Variants in SPATS2 observed in about 807,000 individuals in gnomAD.
The protein encoded by SPATS2 is spermatogenesis-associated serine-rich protein 2.
Under a neutral mutation model 63.7 loss-of-function variants are expected in SPATS2, and 38 were observed. The ratio of observed to expected loss-of-function variants is 0.60; its 90% confidence interval spans 0.46 to 0.78. SPATS2 has a LOEUF of 0.78. Among genes scored for constraint, SPATS2 ranks in the 30% least tolerant of loss-of-function variants. The pLI, the probability that SPATS2 is intolerant of heterozygous loss-of-function variation, is 0.00. For synonymous variants in SPATS2, 207 were observed against 232.9 expected (o/e 0.89, Z 1.01); for missense variants, 588 against 666.2 (o/e 0.88, Z 1.29).
At chr12:49,459,895 G>C (rs1945790718) in intron 2 of SPATS2, among the ~76,000 whole-genome samples, 1 of 144,954 alleles carries the variant, frequency 6.9e-6, no homozygotes, top group South Asian at 2.3e-4. Flanking sequence ...GACCAGCCTG[G>C]TCAAGAGACT....
At chr12:49,371,689 C>T (rs764175648) in intron 2 of SPATS2, among the ~76,000 whole-genome samples, 4 of 152,038 alleles carry the variant, frequency 2.6e-5, no homozygotes, top group Non-Finnish European at 4.4e-5. Flanking sequence ...AGCTTATGAT[C>T]ATGGCAGGAG....
intron 2 of SPATS2, among the ~76,000 whole-genome samples, chr12:49,417,210 A>G (rs899151843): frequency 3.3e-5 from 5 of 152,242 alleles, no homozygotes; most frequent in African/African-American, 1.2e-4. Context: ...GGAAACAAAA[A>G]GAAATTAAAA....
chr12:49,422,540 G>T (rs540249266), intron 2 of SPATS2, among the ~76,000 whole-genome samples: 1 of 152,008 alleles, frequency 6.6e-6, no homozygotes, highest in Non-Finnish European at 1.5e-5. Context: ...CAGAGTTTTT[G>T]TGAAGATTTT....
intron 2 of SPATS2, among the ~76,000 whole-genome samples, chr12:49,376,701 T>C (rs1014014816): frequency 2.1e-5 from 3 of 145,638 alleles, no homozygotes; most frequent in Non-Finnish European, 4.5e-5. Flanking sequence ...CTGGCCGGTG[T>C]TTTGTTGATT....
At chr12:49,394,198 C>T (rs1944467595) in intron 2 of SPATS2, among the ~76,000 whole-genome samples, 2 of 151,962 alleles carry the variant, frequency 1.3e-5, no homozygotes, top group South Asian at 4.2e-4. Context: ...ATTAGCCGGG[C>T]TTCATGGTGC....
chr12:49,395,722 G>T (rs982053946), intron 2 of SPATS2, among the ~76,000 whole-genome samples: 1 of 152,144 alleles, frequency 6.6e-6, no homozygotes, highest in Non-Finnish European at 1.5e-5. Context: ...CACTGTGCCC[G>T]ACCCAGATTG....
intron 2 of SPATS2, among the ~76,000 whole-genome samples, chr12:49,384,097 A>G (rs1015484308): frequency 6.6e-6 from 1 of 152,194 alleles, no homozygotes; most frequent in African/African-American, 2.4e-5. Flanking sequence ...ACACTATTAT[A>G]GACTTGATTT....
rs936123574 is a variant in SPATS2, at chr12:49,486,426, A to G, written c.105+1757A>G. On this transcript the variant is annotated intron_variant, in intron 4 of 13. Transcript: ENST00000552918. ...CACCATGTTAGCCAGGATGGTCTCAATCTCCTGCGTGATCCACCCACCTCG... is the reference window on the plus strand; with the variant it reads ...CACCATGTTAGCCAGGATGGTCTCAGTCTCCTGCGTGATCCACCCACCTCG... The G allele has an allele frequency of 2.0e-4, 57 of 283,872 alleles. 1 individual carries two copies. The highest frequency in any genetic ancestry group is 1.9e-3 in the Admixed American group (39 of 20,678). The allele number at this position is 283,872 out of a possible 1,614,324, so 17.6% of individuals were successfully genotyped here.
chr12:49,475,428 T>C (rs926739636), intron 3 of SPATS2, among the ~76,000 whole-genome samples: 1 of 122,234 alleles, frequency 8.2e-6, no homozygotes, highest in African/African-American at 3.4e-5. Context: ...GGTAGAATTC[T>C]TGTTGTTGTT....
chr12:49,389,378 G>T (rs1372292630), intron 2 of SPATS2: 3 of 541,962 alleles, frequency 5.5e-6, no homozygotes, highest in Non-Finnish European at 1.0e-5. Context: ...CTGGTTCAGC[G>T]TCTGCTAACT....
At position 49,413,454 on chromosome 12, in the gene SPATS2, G is replaced by C. The variant is rs187611504; in HGVS notation, c.-244+42164G>C. ...AGCTCAGGCTGTCCTGGAACTCCTG[G>C]GTTCAAGTGATCCTCCTGCCTCAGC... On this transcript the variant is annotated intron_variant, in intron 2 of 13. Transcript: ENST00000552918. 1.1e-4 allele frequency among the ~76,000 whole-genome samples: 16 copies of C among 151,986 alleles called. No homozygotes were observed. In the East Asian group the frequency reaches 2.9e-3, roughly 28 times the overall value.
At chr12:49,472,983 G>A (rs148861795) in intron 3 of SPATS2, among the ~76,000 whole-genome samples, 211 of 151,010 alleles carry the variant, frequency 1.4e-3, no homozygotes, top group African/African-American at 4.8e-3. Flanking sequence ...CCGGGTAGTC[G>A]AGGCTGCAGT....
At chr12:49,488,240 T>C (rs914347416) in intron 4 of SPATS2, among the ~76,000 whole-genome samples, 1 of 151,866 alleles carries the variant, frequency 6.6e-6, no homozygotes, top group Non-Finnish European at 1.5e-5. Context: ...AGACGGCGTT[T>C]TTCCATGTTG....
chr12:49,436,448 G>T (rs1945291940), intron 2 of SPATS2, among the ~76,000 whole-genome samples: 1 of 139,776 alleles, frequency 7.2e-6, no homozygotes, highest in Non-Finnish European at 1.6e-5. Flanking sequence ...GGGCAGAGGG[G>T]CTCCTCACTT....
intron 3 of SPATS2, among the ~76,000 whole-genome samples, chr12:49,466,417 C>G (rs1311558478): frequency 6.6e-6 from 1 of 152,158 alleles, no homozygotes; most frequent in Admixed American, 6.5e-5. Flanking sequence ...TGCCTCATGC[C>G]TCAGCCTCCC....
chr12:49,508,984 A>C lies in SPATS2; in HGVS notation c.840-5571A>C, dbSNP rs764108383. Among the ~76,000 whole-genome samples, 229 of 151,932 alleles carry C rather than the reference A, an allele frequency of 1.5e-3. 2 individuals are homozygous for C. The highest frequency in any genetic ancestry group is 3.0e-3 in the Non-Finnish European group (207 of 68,002). On this transcript the variant is annotated intron_variant, in intron 9 of 13. Coordinates refer to ENST00000552918, the MANE Select transcript of SPATS2 (RefSeq NM_023071.4). Reference sequence around the variant, plus strand: ...GAGGCTGAGACAGGAAAATTGCTTGAACCGGGGACGCAAAGGTTGCAGTGA... The same window carrying C: ...GAGGCTGAGACAGGAAAATTGCTTGCACCGGGGACGCAAAGGTTGCAGTGA...
chr12:49,380,077 A>G (rs1371293354), intron 2 of SPATS2, among the ~76,000 whole-genome samples: 1 of 152,094 alleles, frequency 6.6e-6, no homozygotes, highest in Non-Finnish European at 1.5e-5. Context: ...GAATCACACA[A>G]TATATGACCT....
intron 2 of SPATS2, 105 bp from the exon 3 acceptor site, chr12:49,460,665 G>A (rs1476496590): frequency 8.2e-6 from 2 of 242,452 alleles, no homozygotes; most frequent in Non-Finnish European, 1.6e-5. Context: ...TTAAAAACTA[G>A]TTTTGTATAC....
intron 13 of SPATS2, among the ~76,000 whole-genome samples, 161 bp downstream of exon 13, chr12:49,525,057 G>A (rs146910937): frequency 3.9e-5 from 6 of 152,290 alleles, no homozygotes; most frequent in East Asian, 3.9e-4. Flanking sequence ...CATTAGATAC[G>A]TATGTTCCAA....
Sources: gnomAD v4.1 joint callset for allele counts (sites outside exome capture counted in the v4.1 genomes callset) on GRCh38, gnomAD v4.1.1 for gene constraint, MANE v1.5 for transcripts, NCBI Gene and HGNC (gene_info 2026-07-23, HGNC 2026-07-21) for gene names.